Variants in ARHGAP15 observed in about 807,000 individuals in gnomAD.
The protein encoded by ARHGAP15 is Rho GTPase activating protein 15.
ARHGAP15 carries 51 observed loss-of-function variants against 63.7 expected under a neutral mutation model. The ratio of observed to expected loss-of-function variants is 0.80; its 90% CI spans 0.64 to 1.01. ARHGAP15 has a LOEUF of 1.01. Among genes scored for constraint, ARHGAP15 ranks in the 50% least tolerant of loss-of-function variants. The probability of loss-of-function intolerance (pLI) is 0.00; values close to 1 mark genes in which losing one functional copy is unlikely to be tolerated. For missense variants in ARHGAP15, 560 were observed against 564.6 expected (o/e 0.99, Z 0.08); for synonymous variants, 191 against 193.8 (o/e 0.99, Z 0.12).
intron 11 of ARHGAP15, among the ~76,000 whole-genome samples, chr2:143,618,769 C>T (rs574336884): frequency 3.4e-4 from 51 of 152,076 alleles, no homozygotes; most frequent in African/African-American, 1.1e-3. Flanking sequence ...GATATCACAA[C>T]TGCTGGTTAT....
intron 11 of ARHGAP15, among the ~76,000 whole-genome samples, chr2:143,566,160 A>G (rs975537271): frequency 6.6e-6 from 1 of 152,204 alleles, no homozygotes; most frequent in African/African-American, 2.4e-5. Flanking sequence ...ATGCAGGGCT[A>G]AAGCAAGATT....
At chr2:143,257,600 G>T (rs1006622396) in intron 6 of ARHGAP15, among the ~76,000 whole-genome samples, 1 of 152,122 alleles carries the variant, frequency 6.6e-6, no homozygotes, top group African/African-American at 2.4e-5. Flanking sequence ...ACATCATATT[G>T]TGAATCCCTT....
At chr2:143,643,429 C>CG (rs755747158) in intron 12 of ARHGAP15, among the ~76,000 whole-genome samples, 1 of 44,290 alleles carries the variant, frequency 2.3e-5, no homozygotes, top group Non-Finnish European at 6.2e-5. Flanking sequence ...CTCCACCCAC[C>CG]CCCCCCCACC....
chr2:143,288,129 A>G (rs1272437028), intron 6 of ARHGAP15, among the ~76,000 whole-genome samples: 1 of 152,200 alleles, frequency 6.6e-6, no homozygotes, highest in Middle Eastern at 3.2e-3. Context: ...TATGGGAAAA[A>G]GTGCCATGTG....
intron 10 of ARHGAP15, among the ~76,000 whole-genome samples, chr2:143,531,623 CCTG>C (rs1171626584): frequency 6.6e-6 from 1 of 152,132 alleles, no homozygotes; most frequent in Non-Finnish European, 1.5e-5. Flanking sequence ...AAAGGCCTAA[CCTG>C]CTAACTTGAA....
At position 143,690,473 on chromosome 2, in the gene ARHGAP15, C is replaced by T. The variant is rs894846507; in HGVS notation, c.1139-12946C>T. ...GGCTACTTCTTTACAGTTGCTGTTG[C>T]GTCTTTACCTGGAAATGATAACGGG... On this transcript the variant is annotated intron_variant, in intron 12 of 13. Coordinates refer to ENST00000295095, the MANE Select transcript of ARHGAP15 (RefSeq NM_018460.4). Among the ~76,000 whole-genome samples, 4 of 152,166 alleles carry T rather than the reference C, an allele frequency of 2.6e-5. No homozygotes were observed. In the South Asian group the frequency reaches 6.2e-4, roughly 24 times the overall value.
At chr2:143,260,201 C>T (rs1356317706) in intron 6 of ARHGAP15, among the ~76,000 whole-genome samples, 1 of 152,104 alleles carries the variant, frequency 6.6e-6, no homozygotes, top group Non-Finnish European at 1.5e-5. Context: ...CAGTTCACAT[C>T]GCACTTTTTG....
At chr2:143,568,324 G>GA (rs1181662452) in intron 11 of ARHGAP15, among the ~76,000 whole-genome samples, 16 of 151,992 alleles carry the variant, frequency 1.1e-4, no homozygotes, top group African/African-American at 3.4e-4. Flanking sequence ...AAATTTACAA[G>GA]AAAAAAACCC....
chr2:143,740,044 C>T (rs1685902453), intron 13 of ARHGAP15, among the ~76,000 whole-genome samples: 1 of 151,948 alleles, frequency 6.6e-6, no homozygotes, highest in Admixed American at 6.6e-5. Context: ...ATTTGGTTCT[C>T]TTTTTTTCTA....
chr2:143,483,950 G>A lies in ARHGAP15; in HGVS notation c.704-3423G>A, dbSNP rs369572005. ...TTATAATTACACAGGCCAGACAGGC[G>A]GCCATGGTGGCTCAGACCTGTAATT... On this transcript the variant is annotated intron_variant, in intron 8 of 13. Coordinates refer to ENST00000295095, the MANE Select transcript of ARHGAP15 (RefSeq NM_018460.4). Among the ~76,000 whole-genome samples the A allele has an allele frequency of 3.7e-4, 57 of 152,208 alleles. No individual in the cohort carries two copies. In the East Asian group the frequency reaches 0.01, roughly 27 times the overall value.
At chr2:143,423,625 A>G (rs1689022449) in intron 6 of ARHGAP15, among the ~76,000 whole-genome samples, 1 of 152,136 alleles carries the variant, frequency 6.6e-6, no homozygotes, top group Non-Finnish European at 1.5e-5. Flanking sequence ...GTTATAAAGG[A>G]CTTTCCGGAA....
chr2:143,325,759 A>C (rs1237636876), intron 6 of ARHGAP15, among the ~76,000 whole-genome samples: 1 of 152,162 alleles, frequency 6.6e-6, no homozygotes, highest in East Asian at 1.9e-4. Context: ...GTACATTTGT[A>C]ATGAACAGTG....
chr2:143,454,293 G>T (rs2105141224), intron 8 of ARHGAP15, among the ~76,000 whole-genome samples: 1 of 152,028 alleles, frequency 6.6e-6, no homozygotes, highest in East Asian at 1.9e-4. Context: ...CAAGTTTATT[G>T]TAAGTTAGGG....
chr2:143,160,543 C>A (rs1042881323), intron 2 of ARHGAP15, among the ~76,000 whole-genome samples: 2 of 151,842 alleles, frequency 1.3e-5, no homozygotes, highest in African/African-American at 4.8e-5. Context: ...ATTAGGAGTG[C>A]TGCTTTCAAG....
chr2:143,556,510 T>C lies in ARHGAP15; in HGVS notation c.1003+25T>C. Reference sequence around the variant, plus strand: ...GGTAAGTGATTTCCACTTCAGAGATTTTTTCAAACAGTTTCATATGGAACA... The same window carrying C: ...GGTAAGTGATTTCCACTTCAGAGATCTTTTCAAACAGTTTCATATGGAACA... On this transcript the variant is annotated intron_variant, in intron 11 of 13. Transcript: ENST00000295095. 7 of 1,572,254 alleles carry C rather than the reference T, an allele frequency of 4.5e-6. 1 individual carries two copies. The highest frequency in any genetic ancestry group is 6.1e-6 in the Non-Finnish European group (7 of 1,143,132).
chr2:143,472,511 G>T (rs963352545), intron 8 of ARHGAP15, among the ~76,000 whole-genome samples: 1 of 152,068 alleles, frequency 6.6e-6, no homozygotes, highest in Non-Finnish European at 1.5e-5. Context: ...ATGAGAGCTA[G>T]TATTAATATA....
chr2:143,732,910 GTTTTT>G (rs35876339), intron 13 of ARHGAP15, among the ~76,000 whole-genome samples: 45 of 122,012 alleles, frequency 3.7e-4, no homozygotes, highest in African/African-American at 1.2e-3. Flanking sequence ...TTGTTTTTGG[GTTTTT>G]TTTTTTTTTT....
chr2:143,140,996 G>A (rs1205656731), intron 1 of ARHGAP15, among the ~76,000 whole-genome samples: 2 of 152,144 alleles, frequency 1.3e-5, no homozygotes, highest in Non-Finnish European at 2.9e-5. Context: ...AAACCAGCTT[G>A]ACAAAAAACC....
chr2:143,275,462 A>G (rs1222039324), intron 6 of ARHGAP15, among the ~76,000 whole-genome samples: 2 of 152,226 alleles, frequency 1.3e-5, no homozygotes, highest in African/African-American at 4.8e-5. Context: ...GACAATTTGC[A>G]AACAGTAATT....
Sources: allele counts gnomAD v4.1 joint callset (sites outside exome capture counted in the v4.1 genomes callset), GRCh38; gene constraint gnomAD v4.1.1; transcripts MANE v1.5; gene names NCBI Gene and HGNC (gene_info 2026-07-23, HGNC 2026-07-21).